NDST3: variants seen among roughly 807,000 people sequenced by gnomAD.
The protein encoded by NDST3 is bifunctional heparan sulfate N-deacetylase/N-sulfotransferase 3.
NDST3 carries 58 observed loss-of-function variants against 96.1 expected under a neutral mutation model. The observed-to-expected ratio is 0.60, with a 90% CI of 0.49 to 0.75. The LOEUF (loss-of-function observed/expected upper bound fraction) is 0.75. Among genes scored for constraint, NDST3 ranks in the 30% least tolerant of loss-of-function variants. NDST3 has a pLI of 0.00. For synonymous variants in NDST3, 333 were observed against 359.7 expected (o/e 0.93, Z 0.84); for missense variants, 788 against 1,034.2 (o/e 0.76, Z 3.27).
chr4:118,178,553 A>G (rs1283753213), intron 6 of NDST3, among the ~76,000 whole-genome samples: 1 of 152,030 alleles, frequency 6.6e-6, no homozygotes, highest in Admixed American at 6.6e-5. Context: ...TTGTATGTAT[A>G]TATCACATTT....
At chr4:118,134,274 AAAG>A (rs763090771) in intron 4 of NDST3, among the ~76,000 whole-genome samples, 10 of 152,240 alleles carry the variant, frequency 6.6e-5, no homozygotes, top group Admixed American at 1.3e-4. Flanking sequence ...AAGGCTAGAC[AAAG>A]AAGCAAGGAT....
At position 118,071,841 on chromosome 4, in the gene NDST3, C is replaced by T. The variant is rs369225192; in HGVS notation, c.981+16950C>T. 2.0e-4 allele frequency among the ~76,000 whole-genome samples: 31 copies of T among 152,236 alleles called. 1 individual carries two copies. In the Middle Eastern group the frequency reaches 0.01, roughly 50 times the overall value. On this transcript the variant is annotated intron_variant, in intron 2 of 13. Coordinates refer to ENST00000296499, the MANE Select transcript of NDST3 (RefSeq NM_004784.3). The stretch of plus-strand genomic sequence containing the variant: ...ATTTGAGAAATTGCCAAACTGCTTT[C>T]CACAGTGGCTGAACTAATTCACATT...
At chr4:118,139,171 G>A (rs757183384) in intron 5 of NDST3, among the ~76,000 whole-genome samples, 4 of 152,110 alleles carry the variant, frequency 2.6e-5, no homozygotes, top group Non-Finnish European at 5.9e-5. Context: ...AATGCTAGAC[G>A]GGGACATAAT....
chr4:118,122,246 G>T (rs1047632895), intron 4 of NDST3, among the ~76,000 whole-genome samples: 1 of 152,096 alleles, frequency 6.6e-6, no homozygotes, highest in African/African-American at 2.4e-5. Context: ...GGGTGGGGGA[G>T]GTCTATTTCC....
intron 6 of NDST3, among the ~76,000 whole-genome samples, chr4:118,161,187 T>A (rs967949505): frequency 6.6e-6 from 1 of 152,196 alleles, no homozygotes; most frequent in Non-Finnish European, 1.5e-5. Flanking sequence ...GAACAGCAGA[T>A]TTTCGTGAAC....
intron 5 of NDST3, among the ~76,000 whole-genome samples, chr4:118,143,308 A>G (rs189491710): frequency 3.9e-5 from 6 of 152,236 alleles, no homozygotes; most frequent in Admixed American, 3.9e-4. Flanking sequence ...TTGATATTTA[A>G]AACAGACAAG....
chr4:118,137,977 A>G (rs543681198), intron 4 of NDST3, 77 bp from the exon 5 acceptor site: 2 of 1,215,442 alleles, frequency 1.6e-6, no homozygotes, highest in African/African-American at 3.1e-5. Context: ...TATTTACAGT[A>G]CATTTGAAAA....
intron 6 of NDST3, among the ~76,000 whole-genome samples, chr4:118,220,139 A>G (rs949029800): frequency 6.6e-5 from 10 of 152,154 alleles, no homozygotes; most frequent in Admixed American, 2.0e-4. Flanking sequence ...TCATTCTACT[A>G]TAAAGACAAA....
chr4:118,253,483 T>C lies in NDST3; in HGVS notation c.2400-16T>C, dbSNP rs1560749355. 49 of 1,447,786 alleles carry C rather than the reference T, an allele frequency of 3.4e-5. No individual in the cohort carries two copies. The highest frequency in any genetic ancestry group is 4.1e-5 in the Non-Finnish European group (44 of 1,079,244). 89.7% of individuals were successfully genotyped at this position (1,447,786 alleles called of 1,614,324 possible). A position where few individuals can be genotyped will look rare whatever the true frequency, so the allele number is the denominator to read the frequency against. On this transcript the variant is annotated splice_polypyrimidine_tract_variant and intron_variant, in intron 12 of 13. Coordinates refer to ENST00000296499, the MANE Select transcript of NDST3 (RefSeq NM_004784.3). ...TGATTTTCTGGTTTTTCTGTGTGTA[T>C]TCTTTTTTTTTTTAGGTTTGATTCT...
chr4:118,204,623 C>T (rs922768497), intron 6 of NDST3, among the ~76,000 whole-genome samples: 3 of 144,426 alleles, frequency 2.1e-5, no homozygotes, highest in Admixed American at 2.1e-4. Flanking sequence ...TTACTGTTCA[C>T]TATGTACAGA....
intron 3 of NDST3, among the ~76,000 whole-genome samples, chr4:118,105,711 G>A (rs1578647439): frequency 6.6e-6 from 1 of 152,130 alleles, no homozygotes; most frequent in East Asian, 1.9e-4. Context: ...TTAAGCTGTA[G>A]ATGGTTGGGT....
chr4:118,199,087 T>C (rs971521455), intron 6 of NDST3, among the ~76,000 whole-genome samples: 9 of 152,332 alleles, frequency 5.9e-5, no homozygotes, highest in Admixed American at 2.0e-4. Context: ...TGGATACTGA[T>C]ATCTTTCTCT....
chr4:118,157,884 A>T (rs1464874131), intron 6 of NDST3, among the ~76,000 whole-genome samples: 1 of 152,218 alleles, frequency 6.6e-6, no homozygotes, highest in African/African-American at 2.4e-5. Context: ...TAATTAAAAT[A>T]ATTTTGAGTA....
At chr4:118,151,293 C>T (rs935632452) in intron 6 of NDST3, among the ~76,000 whole-genome samples, 10 of 151,916 alleles carry the variant, frequency 6.6e-5, no homozygotes, top group Admixed American at 2.0e-4. Context: ...TGCTAGATGA[C>T]GAGTTAGTGG....
chr4:118,124,278 T>C (rs1731854882), intron 4 of NDST3, among the ~76,000 whole-genome samples: 1 of 152,130 alleles, frequency 6.6e-6, no homozygotes, highest in South Asian at 2.1e-4. Flanking sequence ...GCACTCTGAA[T>C]TGTTTGAGAA....
intron 8 of NDST3, among the ~76,000 whole-genome samples, chr4:118,227,460 A>G (rs925250473): frequency 3.3e-5 from 5 of 152,112 alleles, no homozygotes; most frequent in African/African-American, 1.2e-4. Context: ...TTAAAAGTCT[A>G]AAAGATATTT....
At chr4:118,034,416 T>C (rs1408365372), upstream of NDST3, 1 of 152,168 alleles carries the variant, frequency 6.6e-6, no homozygotes, top group Non-Finnish European at 1.5e-5. Flanking sequence ...GGTAGCAGTT[T>C]GATGGCTAAT....
At chr4:118,188,365 T>A (rs6856076) in intron 6 of NDST3, among the ~76,000 whole-genome samples, 1 of 149,682 alleles carries the variant, frequency 6.7e-6, no homozygotes, top group Non-Finnish European at 1.5e-5. Context: ...ATTTCCATGA[T>A]GAATCATGGA....
At chr4:118,081,425 CGA>C (rs869266435) in intron 2 of NDST3, among the ~76,000 whole-genome samples, 59 of 147,056 alleles carry the variant, frequency 4.0e-4, no homozygotes, top group African/African-American at 1.4e-3. Flanking sequence ...TGTGTGTGTG[CGA>C]GAGAGAGATC....
Sources: allele counts gnomAD v4.1 joint callset (sites outside exome capture counted in the v4.1 genomes callset), GRCh38; gene constraint gnomAD v4.1.1; transcripts MANE v1.5; gene names NCBI Gene and HGNC (gene_info 2026-07-23, HGNC 2026-07-21).